PDE1C: variants seen among roughly 807,000 people sequenced by gnomAD.
PDE1C encodes the protein phosphodiesterase 1C.
In PDE1C, 62 loss-of-function variants were observed where a neutral mutation model predicts 93.1. The ratio of observed to expected loss-of-function variants is 0.67; its 90% CI spans 0.54 to 0.82. The LOEUF (loss-of-function observed/expected upper bound fraction) is 0.82, where lower values mean the gene tolerates loss of function less well. PDE1C is among the 40% of genes least tolerant of loss of function. The pLI is 0.00. For missense variants in PDE1C, 742 were observed against 884.6 expected (o/e 0.84, Z 2.04); for synonymous variants, 325 against 310.1 (o/e 1.05, Z -0.50).
intron 2 of PDE1C, among the ~76,000 whole-genome samples, chr7:32,023,204 G>A (rs1166185083): frequency 6.6e-6 from 1 of 152,012 alleles, no homozygotes; most frequent in Admixed American, 6.6e-5. Flanking sequence ...AAGACGGATA[G>A]AACAAAATCA....
chr7:32,176,961 C>T (rs1051589177), intron 2 of PDE1C, among the ~76,000 whole-genome samples: 6 of 152,170 alleles, frequency 3.9e-5, no homozygotes, highest in African/African-American at 7.2e-5. Flanking sequence ...ACATATTCAG[C>T]AGGCTCTGAA....
At chr7:31,886,541 C>T (rs548285772) in intron 2 of PDE1C, among the ~76,000 whole-genome samples, 6 of 152,252 alleles carry the variant, frequency 3.9e-5, no homozygotes, top group African/African-American at 1.4e-4. Context: ...GTAGGGAAGA[C>T]AGAAAGCTAA....
At chr7:32,077,101 G>C (rs565147799) in intron 3 of PDE1C, among the ~76,000 whole-genome samples, 2 of 152,248 alleles carry the variant, frequency 1.3e-5, no homozygotes, top group Admixed American at 1.3e-4. Flanking sequence ...GTAGCCAGGC[G>C]TGGTGGCACA....
intron 15 of PDE1C, among the ~76,000 whole-genome samples, chr7:31,811,138 T>C (rs755452307): frequency 1.3e-5 from 2 of 152,064 alleles, no homozygotes; most frequent in Non-Finnish European, 2.9e-5. Flanking sequence ...GTTTCCCCCA[T>C]ACTGTTCTTG....
At chr7:31,758,533 C>A (rs1057030730) in intron 17 of PDE1C, among the ~76,000 whole-genome samples, 1 of 152,168 alleles carries the variant, frequency 6.6e-6, no homozygotes, top group African/African-American at 2.4e-5. Flanking sequence ...AACTCACTCA[C>A]AGAAATAAAA....
At chr7:32,075,421 C>G (rs1226552709), upstream of PDE1C, among the ~76,000 whole-genome samples, 1 of 152,136 alleles carries the variant, frequency 6.6e-6, no homozygotes, top group East Asian at 1.9e-4. Context: ...AGATGTGAGG[C>G]GGCCCCCACA....
At position 32,041,862 on chromosome 7, in the gene PDE1C, A is replaced by C. The variant is rs547788606; in HGVS notation, c.128+9692T>G. Among the ~76,000 whole-genome samples the C allele has an allele frequency of 2.6e-5, 4 of 152,350 alleles. No homozygotes were observed. The South Asian group carries it at 8.3e-4, about 32-fold the overall frequency. On this transcript the variant is annotated intron_variant, in intron 2 of 17. Coordinates refer to ENST00000396191, the MANE Select transcript of PDE1C (RefSeq NM_001191057.4). ...AGGCCAAATACGAAAACTTTCAAAC[A>C]TAAAATGTCTGAAGAGAAAAGAACA...
At chr7:32,083,015 C>A (rs369062928) in intron 3 of PDE1C, among the ~76,000 whole-genome samples, 5 of 150,326 alleles carry the variant, frequency 3.3e-5, no homozygotes, top group Non-Finnish European at 7.4e-5. Context: ...ATGACTTTGA[C>A]GAGTTGAGAG....
At chr7:31,841,465 T>G (rs1400505167) in intron 9 of PDE1C, among the ~76,000 whole-genome samples, 2 of 152,044 alleles carry the variant, frequency 1.3e-5, no homozygotes, top group African/African-American at 2.4e-5. Context: ...GAAAAAACAT[T>G]CAATATTTCA....
chr7:32,412,253 G>A (rs1396077829), intron 1 of PDE1C, among the ~76,000 whole-genome samples: 1 of 152,052 alleles, frequency 6.6e-6, no homozygotes, highest in Non-Finnish European at 1.5e-5. Flanking sequence ...TCAGGAGTTC[G>A]AGACCAGCCT....
chr7:32,328,524 T>C (rs1783448401), intron 1 of PDE1C, among the ~76,000 whole-genome samples: 1 of 152,198 alleles, frequency 6.6e-6, no homozygotes, highest in Non-Finnish European at 1.5e-5. Flanking sequence ...CCATGTTCAC[T>C]GTGCTCCAGA....
chr7:31,631,202 C>T, the PDE1C span, among the ~76,000 whole-genome samples: 8 of 151,938 alleles, frequency 5.3e-5, no homozygotes, highest in Admixed American at 4.6e-4. Context: ...AAAAGAGAAA[C>T]CTATCAATTG....
rs1242387061 is a variant in PDE1C, at chr7:32,342,986, C to T, written c.310+84836G>A. The stretch of plus-strand genomic sequence containing the variant: ...ATCAAAGGAAAATGTTAGATTTTAC[C>T]CAAGCTCAGTTGGTACAGGCATTTC... On this transcript the variant is annotated intron_variant, in intron 1 of 1. Transcript: ENST00000672256. Among the ~76,000 whole-genome samples, 4 of 151,838 alleles carry T rather than the reference C, an allele frequency of 2.6e-5. No homozygotes were observed. The East Asian group carries it at 7.7e-4, about 29-fold the overall frequency.
intron 15 of PDE1C, among the ~76,000 whole-genome samples, chr7:31,813,974 A>T (rs1161595342): frequency 1.3e-5 from 2 of 152,086 alleles, no homozygotes; most frequent in Non-Finnish European, 2.9e-5. Flanking sequence ...AGGTTGCTGC[A>T]AATGCCATTA....
At chr7:32,057,398 T>TGTGC (rs1195394751) in intron 1 of PDE1C, among the ~76,000 whole-genome samples, 3 of 152,240 alleles carry the variant, frequency 2.0e-5, no homozygotes, top group Non-Finnish European at 4.4e-5. Context: ...CATGTGTGTG[T>TGTGC]GTGCGTGCAC....
At chr7:32,363,870 A>G (rs1784183169) in intron 1 of PDE1C, among the ~76,000 whole-genome samples, 1 of 152,218 alleles carries the variant, frequency 6.6e-6, no homozygotes, top group East Asian at 1.9e-4. Context: ...TTTAATGACC[A>G]CTTACTATGC....
chr7:31,964,625 C>T (rs1809599402), intron 2 of PDE1C, among the ~76,000 whole-genome samples: 1 of 152,254 alleles, frequency 6.6e-6, no homozygotes, highest in South Asian at 2.1e-4. Flanking sequence ...TCCCAGCACG[C>T]AGCTGGAGAT....
intron 15 of PDE1C, among the ~76,000 whole-genome samples, chr7:31,813,151 A>C (rs1481507223): frequency 1.3e-5 from 2 of 152,132 alleles, no homozygotes; most frequent in Non-Finnish European, 2.9e-5. Flanking sequence ...CACTCTGTTA[A>C]AAGAAAAAGC....
At position 32,021,849 on chromosome 7, in the gene PDE1C, C is replaced by T. The variant is rs192421045; in HGVS notation, c.128+29705G>A. On this transcript the variant is annotated intron_variant, in intron 2 of 17. Transcript: ENST00000396191. ...GTCCTATTGCCATTTAGGAACTCTA[C>T]ATTTACATGCTCCTCTCTCAAGAAA... Among the ~76,000 whole-genome samples the T allele has an allele frequency of 5.9e-5, 9 of 152,144 alleles. No homozygotes were observed. In the East Asian group the frequency reaches 1.7e-3, roughly 29 times the overall value.
Sources: gnomAD v4.1 joint callset for allele counts (sites outside exome capture counted in the v4.1 genomes callset) on GRCh38, gnomAD v4.1.1 for gene constraint, MANE v1.5 for transcripts, NCBI Gene and HGNC (gene_info 2026-07-23, HGNC 2026-07-21) for gene names.